The following PHLPP1 variants were observed in gnomAD, a reference collection of about 807,000 sequenced individuals.
PHLPP1 encodes the protein PH domain and leucine rich repeat protein phosphatase 1.
PHLPP1 carries 42 observed loss-of-function variants against 117.2 expected under a neutral mutation model. The ratio of observed to expected loss-of-function variants is 0.36; its 90% CI spans 0.28 to 0.46. The LOEUF is 0.46. Among genes scored for constraint, PHLPP1 ranks in the 20% least tolerant of loss-of-function variants. The probability of loss-of-function intolerance (pLI) is 1.00; values close to 1 mark genes in which losing one functional copy is unlikely to be tolerated. For missense variants in PHLPP1, 2,084 were observed against 2,241.9 expected, an observed-to-expected ratio of 0.93 and a Z score of 1.42; for synonymous variants, 1,042 against 970.7, an observed-to-expected ratio of 1.07 and a Z score of -1.37.
intron 16 of PHLPP1, 29 bp downstream of exon 16, chr18:62,975,654 G>T (rs769296473): frequency 6.8e-7 from 1 of 1,471,876 alleles, no homozygotes; most frequent in East Asian, 2.3e-5. Context: ...TGCCCAGGAT[G>T]GTGGAGAGGA....
At chr18:62,872,685 C>T (rs1915933152) in intron 4 of PHLPP1, among the ~76,000 whole-genome samples, 1 of 148,016 alleles carries the variant, frequency 6.8e-6, no homozygotes, top group African/African-American at 2.5e-5. Context: ...GAGCGAGACT[C>T]AGTCTCAAAA....
At chr18:62,824,377 C>T (rs947642087) in intron 1 of PHLPP1, among the ~76,000 whole-genome samples, 2 of 151,712 alleles carry the variant, frequency 1.3e-5, no homozygotes, top group African/African-American at 2.4e-5. Flanking sequence ...TATATTCATA[C>T]AATGTAATAC....
chr18:62,730,747 G>A (rs570128974), intron 1 of PHLPP1, among the ~76,000 whole-genome samples: 3 of 150,818 alleles, frequency 2.0e-5, no homozygotes, highest in East Asian at 2.0e-4. Context: ...AGCCGAGATC[G>A]TGCCATTGCA....
intron 1 of PHLPP1, chr18:62,826,109 C>A (rs1246194632): frequency 4.5e-6 from 1 of 220,776 alleles, no homozygotes; most frequent in East Asian, 1.1e-4. Context: ...TCAAATAAAT[C>A]TACTACAGTT....
At chr18:62,795,934 TAC>T (rs1331035823) in intron 1 of PHLPP1, among the ~76,000 whole-genome samples, 3 of 152,250 alleles carry the variant, frequency 2.0e-5, no homozygotes, top group African/African-American at 4.8e-5. Context: ...GTTCTGGAGA[TAC>T]AGTTTTACTA....
chr18:62,929,607 G>A (rs764689344), intron 10 of PHLPP1, among the ~76,000 whole-genome samples: 30 of 152,176 alleles, frequency 2.0e-4, no homozygotes, highest in Non-Finnish European at 3.4e-4. Context: ...TGAAAGGTGG[G>A]AAAGAGGGTG....
chr18:62,737,486 G>A (rs1911403638), intron 1 of PHLPP1, among the ~76,000 whole-genome samples: 1 of 152,242 alleles, frequency 6.6e-6, no homozygotes, highest in Non-Finnish European at 1.5e-5. Flanking sequence ...GAAACTTGAA[G>A]ACTGCCTTAG....
rs188029245 is a variant in PHLPP1, at chr18:62,866,215, G to T, written c.2066+5614G>T. On this transcript the variant is annotated intron_variant, in intron 4 of 16. Coordinates refer to ENST00000262719, the MANE Select transcript of PHLPP1 (RefSeq NM_194449.4). The stretch of plus-strand genomic sequence containing the variant: ...CGTTTATTTCTTTAAAAAGAAAAAT[G>T]AGAGGCCAAAACGTTTTTGTTTTTG... 4.1e-4 allele frequency among the ~76,000 whole-genome samples: 63 copies of T among 151,890 alleles called. 1 individual carries two copies. The highest frequency in any genetic ancestry group is 9.8e-4 in the Admixed American group (15 of 15,248).
intron 12 of PHLPP1, 121 bp downstream of exon 12, chr18:62,945,392 A>G: frequency 2.7e-6 from 2 of 748,660 alleles, no homozygotes; most frequent in Non-Finnish European, 4.1e-6. Context: ...GGCCCCCATT[A>G]GCCCTTACTT....
chr18:62,766,076 A>AAAAAATATAT, intron 1 of PHLPP1, among the ~76,000 whole-genome samples: 6 of 21,660 alleles, frequency 2.8e-4, no homozygotes, highest in Admixed American at 7.9e-4. Context: ...AAAAAAAAAA[A>AAAAAATATAT]ATATATATAT....
chr18:62,812,784 C>T (rs1914161529), intron 1 of PHLPP1, among the ~76,000 whole-genome samples: 1 of 151,708 alleles, frequency 6.6e-6, no homozygotes, highest in African/African-American at 2.4e-5. Context: ...GATTAAAATC[C>T]TGAAGTCTAC....
chr18:62,968,074 C>G (rs1348975292), intron 14 of PHLPP1, among the ~76,000 whole-genome samples: 1 of 152,216 alleles, frequency 6.6e-6, no homozygotes, highest in African/African-American at 2.4e-5. Flanking sequence ...CTGCCCTCCT[C>G]TGCCTCCCAA....
chr18:62,977,800 T>A (rs577718270), intron 16 of PHLPP1, among the ~76,000 whole-genome samples: 6 of 151,704 alleles, frequency 4.0e-5, no homozygotes, highest in Non-Finnish European at 7.4e-5. Flanking sequence ...AGGACTGGCT[T>A]CTATCAGAAA....
intron 1 of PHLPP1, among the ~76,000 whole-genome samples, chr18:62,814,684 A>G (rs1406057968): frequency 6.6e-6 from 1 of 152,148 alleles, no homozygotes; most frequent in Non-Finnish European, 1.5e-5. Flanking sequence ...TACTTTTCTT[A>G]GATTTTGGTG....
intron 8 of PHLPP1, among the ~76,000 whole-genome samples, chr18:62,914,181 T>C (rs1250077127): frequency 6.6e-6 from 1 of 152,232 alleles, no homozygotes; most frequent in Non-Finnish European, 1.5e-5. Context: ...CCTTCCCATT[T>C]GTCCATGGCT....
chr18:62,855,600 C>T (rs1429630236), intron 3 of PHLPP1, among the ~76,000 whole-genome samples: 1 of 152,306 alleles, frequency 6.6e-6, no homozygotes. Flanking sequence ...TATGTTCTCA[C>T]GATAGACATT....
At chr18:62,903,786 CAAGA>C (rs1486957285) in intron 7 of PHLPP1, among the ~76,000 whole-genome samples, 10 of 148,914 alleles carry the variant, frequency 6.7e-5, no homozygotes, top group South Asian at 2.1e-4. Flanking sequence ...AAAAAAAAGA[CAAGA>C]AAAGATAATT....
chr18:62,833,301 T>C (rs1370513455), intron 2 of PHLPP1, among the ~76,000 whole-genome samples: 1 of 152,200 alleles, frequency 6.6e-6, no homozygotes, highest in African/African-American at 2.4e-5. Context: ...CTTGAACTCC[T>C]GATCTCAAGT....
In PHLPP1 at chr18:62,978,312, C is replaced by G; in HGVS notation, c.4035C>G (p.Thr1345=). ...VTESTRILGY[T]FLHPSVVPRP... is the part of the protein sequence containing the mutation. Reference sequence around the variant, plus strand: ...AGTCCACGCGCATCCTGGGCTACACCTTCCTCCATCCCAGTGTGGTGCCTC... The same window carrying G: ...AGTCCACGCGCATCCTGGGCTACACGTTCCTCCATCCCAGTGTGGTGCCTC... Residue 1345 remains threonine (T), a synonymous_variant, in exon 17 of 17, where the codon ACC becomes ACG. Coordinates refer to ENST00000262719, the MANE Select transcript of PHLPP1 (RefSeq NM_194449.4). The surrounding 1 kb of genome is among the most constrained non-coding windows in gnomAD (Gnocchi z 7.0). 1 of 1,613,126 alleles carries G rather than the reference C, an allele frequency of 6.2e-7. No homozygotes were observed. The highest frequency in any genetic ancestry group is 1.3e-5 in the African/African-American group (1 of 75,038).
Sources: gnomAD v4.1 joint callset for allele counts (sites outside exome capture counted in the v4.1 genomes callset) on GRCh38, gnomAD v4.1.1 for gene constraint, Gnocchi (gnomAD v3.1) non-coding constraint, MANE v1.5 for transcripts, NCBI Gene and HGNC (gene_info 2026-07-23, HGNC 2026-07-21) for gene names.